The following ZZEF1 variants were observed in gnomAD, a reference collection of about 807,000 sequenced individuals.
ZZEF1 encodes zinc finger ZZ-type and EF-hand domain containing 1, also known as zinc finger ZZ-type and EF-hand domain-containing protein 1.
In ZZEF1, 157 loss-of-function variants were observed where a neutral mutation model predicts 342.8. The observed-to-expected ratio is 0.46, with a 90% confidence interval of 0.40 to 0.52. ZZEF1 has a LOEUF of 0.52. Among genes scored for constraint, ZZEF1 ranks in the 20% least tolerant of loss-of-function variants. The pLI is 0.00. For missense variants in ZZEF1, 3,480 were observed against 3,725.6 expected, an observed-to-expected ratio of 0.93 and a Z score of 1.72; for synonymous variants, 1,505 against 1,429.1, an observed-to-expected ratio of 1.05 and a Z score of -1.20.
chr17:4,121,144 C>T (rs2058475988), intron 2 of ZZEF1, among the ~76,000 whole-genome samples: 1 of 152,156 alleles, frequency 6.6e-6, no homozygotes, highest in Non-Finnish European at 1.5e-5. Context: ...AATCTCATCC[C>T]CCATTTCAGC....
At chr17:4,094,369 T>C (rs567160447) in intron 11 of ZZEF1, among the ~76,000 whole-genome samples, 1 of 152,214 alleles carries the variant, frequency 6.6e-6, no homozygotes, top group South Asian at 2.1e-4. Context: ...CAGGCTGGTC[T>C]CAATCCCCTG....
chr17:4,060,679 TTC>T (rs1405992915), intron 30 of ZZEF1, among the ~76,000 whole-genome samples: 1 of 149,738 alleles, frequency 6.7e-6, no homozygotes, highest in African/African-American at 2.5e-5. Context: ...CATCCTTCCA[TTC>T]TCTCTGATGA....
In ZZEF1 at chr17:4,006,729, C is replaced by T. The variant is rs1015936780; in HGVS notation, c.*161G>A. ...CCTGTGCTTGTGTCCAGCCTACGCACGGGAGCTCTTGGAGACGTGGCTGCT... is the reference window on the plus strand; with the variant it reads ...CCTGTGCTTGTGTCCAGCCTACGCATGGGAGCTCTTGGAGACGTGGCTGCT... On this transcript the variant is annotated 3_prime_UTR_variant, in exon 55 of 55. Transcript: ENST00000381638. 217 of 731,094 alleles carry T rather than the reference C, an allele frequency of 3.0e-4. 1 individual carries two copies. Among genetic ancestry groups the T allele is most frequent in the South Asian group, 1.6e-3 (108 of 65,520 alleles). The allele number at this position is 731,094 out of a possible 1,614,324, so 45.3% of individuals were successfully genotyped here.
At chr17:4,013,334 C>T (rs1023358460) in intron 52 of ZZEF1, 115 bp downstream of exon 52, 1 of 1,067,042 alleles carries the variant, frequency 9.4e-7, no homozygotes, top group Non-Finnish European at 1.3e-6. Flanking sequence ...AACTGGAAGA[C>T]ATTAAAGCCA....
At chr17:4,022,529 G>C (rs2056296408) in intron 44 of ZZEF1, 180 bp downstream of exon 44, 24 of 747,410 alleles carry the variant, frequency 3.2e-5, no homozygotes, top group Non-Finnish European at 5.2e-5. Context: ...TCCCTGACAG[G>C]GGTAGACAGG....
chr17:4,007,055 G>C, intron 54 of ZZEF1, 85 bp from the exon 55 acceptor site: 2 of 1,247,798 alleles, frequency 1.6e-6, no homozygotes, highest in Non-Finnish European at 2.2e-6. Context: ...GCTGAGCACT[G>C]AGGATGTGGG....
chr17:4,104,898 G>A, intron 7 of ZZEF1, 87 bp from the exon 8 acceptor site: 2 of 1,167,554 alleles, frequency 1.7e-6, no homozygotes, highest in Non-Finnish European at 2.4e-6. Flanking sequence ...ATCAACACAA[G>A]TAACATTAAC....
At chr17:4,079,005 G>T (rs1294911792) in intron 18 of ZZEF1, among the ~76,000 whole-genome samples, 1 of 152,184 alleles carries the variant, frequency 6.6e-6, no homozygotes, top group African/African-American at 2.4e-5. Flanking sequence ...AATGATATCT[G>T]TAACTTCTTT....
At chr17:4,056,402 A>T (rs1348048256) in intron 32 of ZZEF1, 57 bp from the exon 33 acceptor site, 1 of 1,510,862 alleles carries the variant, frequency 6.6e-7, no homozygotes, top group African/African-American at 1.4e-5. Context: ...CAAGGAAAGT[A>T]CTGGTTAGCA....
At chr17:4,085,382 TA>T (rs1253222785) in intron 16 of ZZEF1, among the ~76,000 whole-genome samples, 1 of 152,038 alleles carries the variant, frequency 6.6e-6, no homozygotes, top group Non-Finnish European at 1.5e-5. Flanking sequence ...AATACAAAGG[TA>T]AAATGTGGAA....
chr17:4,138,577 G>A (rs1415461467), intron 1 of ZZEF1, among the ~76,000 whole-genome samples: 4 of 152,130 alleles, frequency 2.6e-5, no homozygotes, highest in Non-Finnish European at 4.4e-5. Flanking sequence ...GTGCTAAGAC[G>A]ATGAACAGAG....
Position 4,059,174 on chromosome 17 carries a change from T to C in ZZEF1, c.5000A>G (p.Asp1667Gly), listed in dbSNP as rs747669890. Residue 1667 changes from aspartate to glycine, a missense_variant, in exon 31 of 55, where the codon GAC becomes GGC. Coordinates refer to ENST00000381638, the MANE Select transcript of ZZEF1 (RefSeq NM_015113.4). The part of the protein sequence containing the change: ...KAVKGFSSLN[D>G]RSLLPALSCV... Reference sequence around the variant, plus strand: ...AAATGATAAAGTTATCCAGTACCTGTCATTTAGGCTACTAAATCCTTTAAC... The same window carrying C: ...AAATGATAAAGTTATCCAGTACCTGCCATTTAGGCTACTAAATCCTTTAAC... 1.5e-5 allele frequency: 24 copies of C among 1,584,146 alleles called. No individual in the cohort carries two copies. The highest frequency in any genetic ancestry group is 2.0e-5 in the Non-Finnish European group (24 of 1,173,364).
At chr17:4,118,872 T>C (rs1400650801) in intron 2 of ZZEF1, among the ~76,000 whole-genome samples, 1 of 152,202 alleles carries the variant, frequency 6.6e-6, no homozygotes, top group Non-Finnish European at 1.5e-5. Flanking sequence ...GTCTCACCAA[T>C]AAGTCCAGTG....
At position 4,110,890 on chromosome 17, in the gene ZZEF1, T is replaced by C. The variant is rs149513245; in HGVS notation, c.1067-1027A>G. 4.9e-3 allele frequency among the ~76,000 whole-genome samples: 738 copies of C among 152,138 alleles called. 5 individuals carry two copies. The highest frequency in any genetic ancestry group is 0.017 in the African/African-American group (716 of 41,498). On this transcript the variant is annotated intron_variant, in intron 5 of 54. Coordinates refer to ENST00000381638, the MANE Select transcript of ZZEF1 (RefSeq NM_015113.4). Reference sequence around the variant, plus strand: ...CCACCACGCCCGGCTAATTTTTGTATTTGGTAGAGACGGAGTTTCACCATG... The same window carrying C: ...CCACCACGCCCGGCTAATTTTTGTACTTGGTAGAGACGGAGTTTCACCATG...
intron 24 of ZZEF1, among the ~76,000 whole-genome samples, chr17:4,073,832 A>T (rs1036933595): frequency 5.3e-5 from 8 of 152,114 alleles, no homozygotes; most frequent in African/African-American, 1.9e-4. Flanking sequence ...CAATCAACTT[A>T]TTCTATACTC....
intron 2 of ZZEF1, among the ~76,000 whole-genome samples, chr17:4,118,079 C>T (rs115698932): frequency 6.6e-6 from 1 of 152,132 alleles, no homozygotes; most frequent in Non-Finnish European, 1.5e-5. Flanking sequence ...GGGAACCCCC[C>T]ATGAGGCCAT....
intron 45 of ZZEF1, chr17:4,019,978 G>T: frequency 2.2e-6 from 1 of 453,774 alleles, no homozygotes; most frequent in Admixed American, 4.4e-5. Flanking sequence ...TAACTTCAAA[G>T]GAAATTATAA....
rs1250631560 is a variant in ZZEF1, at chr17:4,066,380, T to C, written c.4249+67A>G. On this transcript the variant is annotated intron_variant, in intron 28 of 54. Transcript: ENST00000381638. ...TTAAGATAATCTAGAAGGTGAGTAATTGGTTTTCCAGGCTCTAAAACGAAA... is the reference window on the plus strand; with the variant it reads ...TTAAGATAATCTAGAAGGTGAGTAACTGGTTTTCCAGGCTCTAAAACGAAA... The C allele has an allele frequency of 2.2e-6, 3 of 1,391,974 alleles. No individual in the cohort carries two copies. The African/African-American group carries it at 4.3e-5, about 20-fold the overall frequency. 86.2% of individuals were successfully genotyped at this position (1,391,974 alleles called of 1,614,324 possible).
In ZZEF1 at chr17:4,032,969, T is replaced by C; in HGVS notation, c.6618A>G (p.Ala2206=). The C allele has an allele frequency of 6.3e-7, 1 of 1,598,394 alleles. No homozygotes were observed. Among genetic ancestry groups the C allele is most frequent in the Non-Finnish European group, 8.5e-7 (1 of 1,172,190 alleles). Residue 2206 remains alanine (A), a synonymous_variant, in exon 41 of 55, where the codon GCA becomes GCG. Coordinates refer to ENST00000381638, the MANE Select transcript of ZZEF1 (RefSeq NM_015113.4). ...RVGLDWACSM[A]EILRSLNSAP... The stretch of plus-strand genomic sequence containing the variant: ...CACTGTTGAGTGACCGCAGGATCTC[T>C]GCCATGGAGCACGCCCAGTCCAAGC...
Sources: allele counts gnomAD v4.1 joint callset (sites outside exome capture counted in the v4.1 genomes callset), GRCh38; gene constraint gnomAD v4.1.1; transcripts MANE v1.5; gene names NCBI Gene and HGNC (gene_info 2026-07-23, HGNC 2026-07-21).